Variants in SEMA5B observed in about 807,000 individuals in gnomAD.
SEMA5B encodes semaphorin-5B.
SEMA5B carries 66 observed loss-of-function variants against 135.0 expected under a neutral mutation model. The observed-to-expected ratio is 0.49, with a 90% CI of 0.40 to 0.60. The LOEUF (loss-of-function observed/expected upper bound fraction) is 0.60. Among genes scored for constraint, SEMA5B ranks in the 20% least tolerant of loss-of-function variants. The pLI, the probability that SEMA5B is intolerant of heterozygous loss-of-function variation, is 0.00. For missense variants in SEMA5B, 1,501 were observed against 1,566.3 expected (o/e 0.96, Z 0.70); for synonymous variants, 690 against 639.5 (o/e 1.08, Z -1.19).
chr3:122,954,729 G>A (rs1411713882), intron 2 of SEMA5B, among the ~76,000 whole-genome samples: 1 of 151,802 alleles, frequency 6.6e-6, no homozygotes, highest in Non-Finnish European at 1.5e-5. Context: ...TTGCAAAGCA[G>A]ATCAAGTCAG....
intron 12 of SEMA5B, among the ~76,000 whole-genome samples, chr3:122,919,832 T>G (rs1165231127): frequency 6.6e-6 from 1 of 152,164 alleles, no homozygotes; most frequent in Non-Finnish European, 1.5e-5. Context: ...GGAAACAAAA[T>G]AGGATGAAAG....
At chr3:122,944,170 A>C (rs942494499) in intron 3 of SEMA5B, among the ~76,000 whole-genome samples, 1 of 152,100 alleles carries the variant, frequency 6.6e-6, no homozygotes, top group Non-Finnish European at 1.5e-5. Flanking sequence ...CACAGTGATT[A>C]TTTACTGATC....
At chr3:122,981,968 G>A (rs1008509613) in intron 1 of SEMA5B, among the ~76,000 whole-genome samples, 10 of 152,222 alleles carry the variant, frequency 6.6e-5, no homozygotes, top group Non-Finnish European at 1.2e-4. Context: ...CCTGCAGGCT[G>A]TGAGCCTCAA....
At position 122,996,145 on chromosome 3, in the gene SEMA5B, A is replaced by C. The variant is rs537700254; in HGVS notation, c.-39+31319T>G. On this transcript the variant is annotated intron_variant, in intron 1 of 22. Transcript: ENST00000357599. ...GGCGCCAGCTGGAGGGCGAAGCCTA[A>C]GAGGGTCCCAAGGGAGGGGGCAGCT... 2.1e-4 allele frequency among the ~76,000 whole-genome samples: 32 copies of C among 152,350 alleles called. No homozygotes were observed. The South Asian group carries it at 4.8e-3, about 23-fold the overall frequency.
chr3:122,923,135 C>G (rs992409443), intron 10 of SEMA5B, among the ~76,000 whole-genome samples: 1 of 152,202 alleles, frequency 6.6e-6, no homozygotes, highest in African/African-American at 2.4e-5. Context: ...TCCTCTGCCC[C>G]CTGGTTCTTT....
At chr3:122,994,621 G>C (rs1448745936) in intron 1 of SEMA5B, among the ~76,000 whole-genome samples, 10 of 152,142 alleles carry the variant, frequency 6.6e-5, no homozygotes, top group Non-Finnish European at 1.5e-4. Context: ...CTAGTCCTAA[G>C]GGTTATTGGC....
At chr3:122,917,038 G>A (rs536582930) in intron 12 of SEMA5B, among the ~76,000 whole-genome samples, 1 of 152,306 alleles carries the variant, frequency 6.6e-6, no homozygotes, top group East Asian at 1.9e-4. Context: ...GGACTTGAAA[G>A]GGGAGAAAAA....
intron 3 of SEMA5B, among the ~76,000 whole-genome samples, chr3:122,944,327 CACCCCCATCCCT>C (rs1939693423): frequency 6.6e-6 from 1 of 152,188 alleles, no homozygotes; most frequent in Non-Finnish European, 1.5e-5. Context: ...AATTCCTGTT[CACCCCCATCCCT>C]ACCTCCTCCA....
At position 122,922,032 on chromosome 3, in the gene SEMA5B, C is replaced by G; in HGVS notation, c.1571G>C (p.Arg524Pro). Residue 524 changes from arginine to proline, a missense_variant, in exon 12 of 23, where the codon CGC (arginine) becomes CCC (proline). By Grantham distance (103) the Arg-to-Pro change is moderately radical. This residue lies in a region of SEMA5B where 927 missense variants were observed against 881.6 expected (regional missense o/e 1.05). Transcript: ENST00000357599. ...GCGCAGGCTGCGCAGGGGCTCGCGG[C>G]GCCCGGGGGGCAGCACGTGCAGCTC... ...LEELHVLPPG[R>P]REPLRSLRIL... 6.7e-7 allele frequency: 1 copy of G among 1,498,284 alleles called. No homozygotes were observed. The allele number at this position is 1,498,284 out of a possible 1,614,324, so 92.8% of individuals were successfully genotyped here.
Position 122,912,248 on chromosome 3 carries a change from G to C in SEMA5B, c.2820C>G (p.Pro940=), listed in dbSNP as rs1213829882. The part of the protein sequence containing the change: ...HYQRTRSCTS[P]APSPGEDICL... Reference sequence around the variant, plus strand: ...AGATGTCCTCACCTGGGGAGGGTGCGGGGCTGGTGCAGGAACGGGTGCGTT... The same window carrying C: ...AGATGTCCTCACCTGGGGAGGGTGCCGGGCTGGTGCAGGAACGGGTGCGTT... The change falls in exon 19 of 23, where the codon CCC becomes CCG. Residue 940 remains proline (P), a synonymous_variant. Transcript: ENST00000357599. 1 of 1,612,140 alleles carries C rather than the reference G, an allele frequency of 6.2e-7. No individual in the cohort carries two copies. Among genetic ancestry groups the C allele is most frequent in the Non-Finnish European group, 8.5e-7 (1 of 1,179,124 alleles).
intron 1 of SEMA5B, among the ~76,000 whole-genome samples, chr3:122,989,579 A>G (rs1296768222): frequency 6.6e-6 from 1 of 152,074 alleles, no homozygotes; most frequent in Non-Finnish European, 1.5e-5. Flanking sequence ...GGTAATCCTC[A>G]TGTCACTTCT....
intron 1 of SEMA5B, among the ~76,000 whole-genome samples, chr3:122,996,123 G>A (rs569152250): frequency 6.6e-6 from 1 of 152,306 alleles, no homozygotes; most frequent in South Asian, 2.1e-4. Context: ...TTGGATGGGC[G>A]CCAGCTGGAG....
chr3:122,962,785 C>T (rs1311621241), intron 1 of SEMA5B, among the ~76,000 whole-genome samples: 1 of 152,222 alleles, frequency 6.6e-6, no homozygotes, highest in African/African-American at 2.4e-5. Flanking sequence ...GAAAGAACCA[C>T]AGACTGGGGT....
Position 122,913,360 on chromosome 3 carries a change from C to A in SEMA5B, c.2345G>T (p.Trp782Leu). ...GCCCTGCGTCACGTTCACGGGCAGCCACGGCGTCCAGGGGGTGTTGCGCCG... is the reference window on the plus strand; with the variant it reads ...GCCCTGCGTCACGTTCACGGGCAGCAACGGCGTCCAGGGGGTGTTGCGCCG... ...EVRRNTPWTP[W>L]LPVNVTQGGA... is the part of the protein sequence containing the mutation. Residue 782 changes from tryptophan (W) to leucine (L), a missense_variant, in exon 17 of 23, where the codon TGG becomes TTG. By Grantham distance (61) the Trp-to-Leu change is moderately conservative. This residue lies in a region of SEMA5B where 927 missense variants were observed against 881.6 expected (regional missense o/e 1.05). Coordinates refer to ENST00000357599, the MANE Select transcript of SEMA5B (RefSeq NM_001031702.4). 6.3e-7 allele frequency: 1 copy of A among 1,583,312 alleles called. No individual in the cohort carries two copies. The highest frequency in any genetic ancestry group is 8.5e-7 in the Non-Finnish European group (1 of 1,171,556).
In SEMA5B at chr3:122,963,080, A is replaced by G. The variant is rs141884665; in HGVS notation, c.-38-1779T>C. Among the ~76,000 whole-genome samples the G allele has an allele frequency of 3.7e-3, 565 of 152,302 alleles. 3 individuals carry two copies. Among genetic ancestry groups the G allele is most frequent in the African/African-American group, 0.013 (531 of 41,562 alleles). On this transcript the variant is annotated intron_variant, in intron 1 of 22. Coordinates refer to ENST00000357599, the MANE Select transcript of SEMA5B (RefSeq NM_001031702.4). ...TGGTCACAGAAGCTGCATCCCTCCT[A>G]CATACTCAACGAGATGAGCAGACAG...
chr3:122,976,287 G>A (rs1941317948), intron 1 of SEMA5B, among the ~76,000 whole-genome samples: 1 of 152,132 alleles, frequency 6.6e-6, no homozygotes, highest in South Asian at 2.1e-4. Flanking sequence ...AGATCAGAAA[G>A]TCTGGGGGCA....
intron 1 of SEMA5B, among the ~76,000 whole-genome samples, chr3:122,961,563 G>C (rs935127017): frequency 6.6e-6 from 1 of 151,712 alleles, no homozygotes; most frequent in Non-Finnish European, 1.5e-5. Flanking sequence ...AGGCTCAAAA[G>C]ATCCTCCTGC....
intron 2 of SEMA5B, among the ~76,000 whole-genome samples, chr3:122,954,719 T>G (rs1489681563): frequency 3.9e-5 from 6 of 151,916 alleles, no homozygotes; most frequent in Admixed American, 6.6e-5. Context: ...ATGCTAAGGA[T>G]TGCAAAGCAG....
intron 5 of SEMA5B, among the ~76,000 whole-genome samples, chr3:122,937,995 A>G (rs1560327534): frequency 6.6e-6 from 1 of 152,166 alleles, no homozygotes; most frequent in Non-Finnish European, 1.5e-5. Context: ...GCCAATGGAA[A>G]CTAGGCTCTG....
Sources: gnomAD v4.1 joint callset for allele counts (sites outside exome capture counted in the v4.1 genomes callset) on GRCh38, gnomAD v4.1.1 for gene constraint, gnomAD v4.1.1 regional missense constraint, MANE v1.5 for transcripts, NCBI Gene and HGNC (gene_info 2026-07-23, HGNC 2026-07-21) for gene names.